PGLYRP3: variants seen among roughly 807,000 people sequenced by gnomAD.
The protein encoded by PGLYRP3 is peptidoglycan recognition protein 3, also known as peptidoglycan recognition protein I alpha.
In PGLYRP3, 39 loss-of-function variants were observed where a neutral mutation model predicts 36.0. That is an observed-to-expected ratio of 1.08 (90% CI 0.84 to 1.41). PGLYRP3 has a LOEUF of 1.41. PGLYRP3 is among the 40% of genes most tolerant of loss of function. The pLI is 0.00. For synonymous variants in PGLYRP3, 204 were observed against 172.8 expected, an observed-to-expected ratio of 1.18 and a Z score of -1.42; for missense variants, 407 against 427.9, an observed-to-expected ratio of 0.95 and a Z score of 0.43.
rs1557805232 is a variant in PGLYRP3 at position 153,297,533 on chromosome 1, AGGAAGGAAGGAAGGAAGG to A, written c.*405_*422del. Among the ~76,000 whole-genome samples, 28 of 90,332 alleles carry A rather than the reference AGGAAGGAAGGAAGGAAGG, an allele frequency of 3.1e-4. 2 individuals are homozygous for A. The East Asian group carries it at 6.0e-3, about 19-fold the overall frequency. 59.3% of individuals were successfully genotyped at this position (90,332 alleles called of 152,430 possible). On this transcript the variant is annotated 3_prime_UTR_variant, in exon 8 of 8. Coordinates refer to ENST00000683862, the MANE Select transcript of PGLYRP3 (RefSeq NM_052891.3). Reference sequence around the variant, plus strand: ...AAGGAAGGAAGGAAGGAAGGAAGGAAGGAAGGAAGGAAGGAAGGAAAGAAAGAAAAAGAAAGAAAGAAA... The same window carrying A: ...AAGGAAGGAAGGAAGGAAGGAAGGAAAAAGAAAGAAAAAGAAAGAAAGAAA...
At chr1:153,301,954 G>T (rs976480178) in intron 6 of PGLYRP3, among the ~76,000 whole-genome samples, 2 of 152,204 alleles carry the variant, frequency 1.3e-5, no homozygotes, top group Non-Finnish European at 1.5e-5. Flanking sequence ...GAGGCCCAGA[G>T]AGGTTAAAAG....
Position 153,298,111 on chromosome 1 carries a change from G to T in PGLYRP3, c.871C>A (p.Leu291Met), listed in dbSNP as rs779963621. The T allele has an allele frequency of 1.4e-4, 222 of 1,613,774 alleles. No individual in the cohort carries two copies. Among genetic ancestry groups the T allele is most frequent in the Non-Finnish European group, 1.8e-4 (218 of 1,180,000 alleles). ...FVEKPPNAAA[L>M]EAAQDLIQCA... is the part of the protein sequence containing the mutation. ...TGGATCAGGTCCTGGGCCGCCTCCA[G>T]CGCTGCAGCATTTGGAGGCTTTTCT... Residue 291 changes from leucine to methionine, a missense_variant, in exon 8 of 8, where the codon CTG becomes ATG. Transcript: ENST00000683862.
chr1:153,300,001 C>T lies in PGLYRP3; in HGVS notation c.729-770G>A, dbSNP rs112866227. 3.4e-3 allele frequency among the ~76,000 whole-genome samples: 520 copies of T among 152,242 alleles called. 3 individuals carry two copies. Among genetic ancestry groups the T allele is most frequent in the Middle Eastern group, 0.017 (5 of 294 alleles). On this transcript the variant is annotated intron_variant, in intron 6 of 7. Coordinates refer to ENST00000683862, the MANE Select transcript of PGLYRP3 (RefSeq NM_052891.3). ...CTTCCAACCCATTCTTAAAGTAGCA[C>T]CCAGAGTGATTTTTCTAAAATACAA...
At chr1:153,310,979 C>G (rs551511423) in intron 1 of PGLYRP3, among the ~76,000 whole-genome samples, 1 of 152,282 alleles carries the variant, frequency 6.6e-6, no homozygotes, top group East Asian at 1.9e-4. Flanking sequence ...TGATCTTAGG[C>G]CTTTCAGGGT....
Position 153,297,190 on chromosome 1 carries a change from G to A in PGLYRP3, c.*766C>T, listed in dbSNP as rs377073958. 3.3e-4 allele frequency among the ~76,000 whole-genome samples: 50 copies of A among 152,248 alleles called. No homozygotes were observed. Among genetic ancestry groups the A allele is most frequent in the African/African-American group, 1.2e-3 (50 of 41,520 alleles). Reference sequence around the variant, plus strand: ...CTATTAAACTCCAAACACTGCTGAGGAACTGAGGATAGAGATGAATAAAAT... The same window carrying A: ...CTATTAAACTCCAAACACTGCTGAGAAACTGAGGATAGAGATGAATAAAAT... On this transcript the variant is annotated 3_prime_UTR_variant, in exon 8 of 8. Coordinates refer to ENST00000683862, the MANE Select transcript of PGLYRP3 (RefSeq NM_052891.3).
In PGLYRP3 at chr1:153,302,435, T is replaced by C. The variant is rs774364848; in HGVS notation, c.702A>G (p.Thr234=). Residue 234 remains threonine (T), a synonymous_variant, in exon 6 of 8, where the codon ACA becomes ACG. Coordinates refer to ENST00000683862, the MANE Select transcript of PGLYRP3 (RefSeq NM_052891.3). ...GATATCCAATGTCACAAAAGTTCCG[T>C]GTGTCCATGTGAAAGGACTGTATGT... is the stretch of plus-strand genomic sequence containing the variant. ...VRNIQSFHMD[T]RNFCDIGYHF... 1 of 1,614,216 alleles carries C rather than the reference T, an allele frequency of 6.2e-7. No homozygotes were observed.
At position 153,304,975 on chromosome 1, in the gene PGLYRP3, C is replaced by T. The variant is rs770065786; in HGVS notation, c.348G>A (p.Leu116=). ...TCTTATTGCCAAAGAAGGCGATGCC[C>T]AGGGAAATGTTGTTGTAGCCCTGGG... The part of the protein sequence containing the change: ...LHTQGYNNIS[L]GIAFFGNKIG... Residue 116 remains leucine, a synonymous_variant, in exon 4 of 8, where the codon CTG becomes CTA. Coordinates refer to ENST00000683862, the MANE Select transcript of PGLYRP3 (RefSeq NM_052891.3). 1.3e-4 allele frequency: 206 copies of T among 1,613,848 alleles called. 2 individuals are homozygous for T. The Admixed American group carries it at 3.3e-3, about 26-fold the overall frequency.
intron 2 of PGLYRP3, among the ~76,000 whole-genome samples, chr1:153,309,084 C>T (rs528622769): frequency 9.7e-4 from 147 of 152,268 alleles, no homozygotes; most frequent in African/African-American, 2.9e-3. Context: ...AAAAACTAGA[C>T]GTTTTAGAGA....
intron 6 of PGLYRP3, among the ~76,000 whole-genome samples, chr1:153,300,776 A>AATGATGTAC (rs2101511492): frequency 3.3e-5 from 5 of 151,908 alleles, no homozygotes; most frequent in East Asian, 1.9e-4. Flanking sequence ...TTTCAAAACA[A>AATGATGTAC]ACTTTTGCCT....
intron 6 of PGLYRP3, among the ~76,000 whole-genome samples, chr1:153,301,888 T>C (rs1659605925): frequency 6.6e-6 from 1 of 152,234 alleles, no homozygotes; most frequent in Non-Finnish European, 1.5e-5. Context: ...GTTTTGATCT[T>C]GCTCCCTGTC....
In PGLYRP3 at chr1:153,297,927, G is replaced by A. The variant is rs775164294; in HGVS notation, c.*29C>T. On this transcript the variant is annotated 3_prime_UTR_variant, in exon 8 of 8. Coordinates refer to ENST00000683862, the MANE Select transcript of PGLYRP3 (RefSeq NM_052891.3). ...TTGGAGAGACCCAGCAGGGGAGGGA[G>A]GGCAGTCTCAAAGGGAGTGGGGCCT... is the stretch of plus-strand genomic sequence containing the variant. 2.4e-5 allele frequency: 39 copies of A among 1,607,342 alleles called. No individual in the cohort carries two copies. Among genetic ancestry groups the A allele is most frequent in the Admixed American group, 3.3e-5 (2 of 59,788 alleles).
At chr1:153,306,127 G>A (rs1426658890) in intron 3 of PGLYRP3, among the ~76,000 whole-genome samples, 1 of 152,248 alleles carries the variant, frequency 6.6e-6, no homozygotes, top group Admixed American at 6.5e-5. Context: ...AGACAGGGAA[G>A]ACCCAGCCAT....
Position 153,299,107 on chromosome 1 carries a change from C to A in PGLYRP3, c.847+6G>T, listed in dbSNP as rs772254642. Reference sequence around the variant, plus strand: ...AGCACCCCTCTACCCCATGCTCACCCCTTACCTACAAAGTAGCCGATGAAG... The same window carrying A: ...AGCACCCCTCTACCCCATGCTCACCACTTACCTACAAAGTAGCCGATGAAG... On this transcript the variant is annotated splice_donor_region_variant and intron_variant, in intron 7 of 7. Coordinates refer to ENST00000683862, the MANE Select transcript of PGLYRP3 (RefSeq NM_052891.3). 1.2e-6 allele frequency: 2 copies of A among 1,612,498 alleles called. No homozygotes were observed. The highest frequency in any genetic ancestry group is 2.2e-5 in the East Asian group (1 of 44,872).
At chr1:153,302,165 G>A (rs897837057) in intron 6 of PGLYRP3, among the ~76,000 whole-genome samples, 1 of 152,184 alleles carries the variant, frequency 6.6e-6, no homozygotes, top group African/African-American at 2.4e-5. Flanking sequence ...TTTATCACTA[G>A]GCTTCTAATG....
At position 153,312,680 on chromosome 1, in the gene PGLYRP3, G is replaced by T. The variant is rs369605288; in HGVS notation, c.-79C>A. ...TGCTGTTCCAGCCCAGCAGGTCAGG[G>T]TGCAGTCGGCTCGCCCCTGATTGGC... On this transcript the variant is annotated 5_prime_UTR_variant, in exon 1 of 8. Transcript: ENST00000683862. Among the ~76,000 whole-genome samples, 43 of 152,222 alleles carry T rather than the reference G, an allele frequency of 2.8e-4. 1 individual carries two copies. In the East Asian group the frequency reaches 7.9e-3, roughly 28 times the overall value.
At position 153,298,026 on chromosome 1, in the gene PGLYRP3, ACGT is replaced by A; in HGVS notation, c.953_955del (p.Asp318del). On this transcript the variant is annotated inframe_deletion, in exon 8 of 8. Transcript: ENST00000683862. ...CTGCCCAGGGGACAGGATGTTGACC[ACGT>A]CACTGTGGCCCATCAGCAGGTAGTT... 6.2e-7 allele frequency: 1 copy of A among 1,614,078 alleles called. No individual in the cohort carries two copies. The highest frequency in any genetic ancestry group is 2.2e-5 in the East Asian group (1 of 44,874).
At chr1:153,304,610 C>G (rs374236505) in intron 4 of PGLYRP3, among the ~76,000 whole-genome samples, 7 of 106,404 alleles carry the variant, frequency 6.6e-5, no homozygotes, top group African/African-American at 2.5e-4. Context: ...ACCAGTGGAA[C>G]TGGAATAAGA....
chr1:153,310,177 G>A (rs1659860292), intron 2 of PGLYRP3, among the ~76,000 whole-genome samples: 1 of 152,154 alleles, frequency 6.6e-6, no homozygotes, highest in African/African-American at 2.4e-5. Context: ...TGCTACTCTT[G>A]GGGAATTTGC....
In PGLYRP3 at chr1:153,298,043, C is replaced by T; in HGVS notation, c.939G>A (p.Leu313=). Residue 313 remains leucine, a synonymous_variant, in exon 8 of 8, where the codon CTG becomes CTA. Coordinates refer to ENST00000683862, the MANE Select transcript of PGLYRP3 (RefSeq NM_052891.3). ...VEGYLTPNYL[L]MGHSDVVNIL... ...TGTTGACCACGTCACTGTGGCCCATCAGCAGGTAGTTTGGAGTCAGGTACC... is the reference window on the plus strand; with the variant it reads ...TGTTGACCACGTCACTGTGGCCCATTAGCAGGTAGTTTGGAGTCAGGTACC... 1.2e-6 allele frequency: 2 copies of T among 1,614,084 alleles called. No individual in the cohort carries two copies. The highest frequency in any genetic ancestry group is 1.7e-6 in the Non-Finnish European group (2 of 1,180,012).
Sources: allele counts gnomAD v4.1 joint callset (sites outside exome capture counted in the v4.1 genomes callset), GRCh38; gene constraint gnomAD v4.1.1; transcripts MANE v1.5; gene names NCBI Gene and HGNC (gene_info 2026-07-23, HGNC 2026-07-21).